SLC6A7: variants seen among roughly 807,000 people sequenced by gnomAD.
SLC6A7 encodes solute carrier family 6 member 7.
SLC6A7 carries 58 observed loss-of-function variants against 73.1 expected under a neutral mutation model. The observed-to-expected ratio is 0.79, with a 90% CI of 0.64 to 0.99. The LOEUF (loss-of-function observed/expected upper bound fraction) is 0.99. Among genes scored for constraint, SLC6A7 ranks in the 50% least tolerant of loss-of-function variants. SLC6A7 has a pLI of 0.00. For synonymous variants in SLC6A7, 338 were observed against 338.7 expected, an observed-to-expected ratio of 1.00 and a Z score of 0.02; for missense variants, 783 against 831.4, an observed-to-expected ratio of 0.94 and a Z score of 0.72.
At chr5:150,200,425 G>C (rs180849004) in intron 5 of SLC6A7, among the ~76,000 whole-genome samples, 1 of 152,238 alleles carries the variant, frequency 6.6e-6, no homozygotes, top group African/African-American at 2.4e-5. Context: ...CCTGGGAGAC[G>C]GTAGTTGCAG....
intron 10 of SLC6A7, 52 bp downstream of exon 10, chr5:150,204,090 C>T: frequency 1.3e-6 from 2 of 1,560,330 alleles, no homozygotes; most frequent in Non-Finnish European, 1.7e-6. Flanking sequence ...GGGCAGACGC[C>T]TGCAACGAGA....
intron 13 of SLC6A7, 123 bp downstream of exon 13, chr5:150,205,746 C>A: frequency 1.2e-6 from 1 of 842,308 alleles, no homozygotes; most frequent in Non-Finnish European, 1.8e-6. Flanking sequence ...CCTGAGGAGA[C>A]TTGCCTGGGC....
chr5:150,204,888 C>T lies in SLC6A7; in HGVS notation c.1494C>T (p.Phe498=), dbSNP rs1753602896. Reference sequence around the variant, plus strand: ...TGGGCTTCAAGCCGGGCCTCTACTTCAGGGCCTGCTGGCTGTTCCTGTCCC... The same window carrying T: ...TGGGCTTCAAGCCGGGCCTCTACTTTAGGGCCTGCTGGCTGTTCCTGTCCC... ...MMLGFKPGLY[F]RACWLFLSPA... Residue 498 remains phenylalanine (F), a synonymous_variant, in exon 12 of 14, where the codon TTC becomes TTT. Transcript: ENST00000230671. 6.2e-7 allele frequency: 1 copy of T among 1,607,756 alleles called. No individual in the cohort carries two copies. Among genetic ancestry groups the T allele is most frequent in the Non-Finnish European group, 8.5e-7 (1 of 1,175,488 alleles).
At chr5:150,199,123 A>C in intron 4 of SLC6A7, 105 bp from the exon 5 acceptor site, 1 of 1,405,420 alleles carries the variant, frequency 7.1e-7, no homozygotes, top group Non-Finnish European at 9.4e-7. Context: ...GAGGGCGTCA[A>C]GTGGAGAACA....
At chr5:150,206,448 T>C (rs754218198) in intron 13 of SLC6A7, among the ~76,000 whole-genome samples, 6 of 152,158 alleles carry the variant, frequency 3.9e-5, no homozygotes, top group Non-Finnish European at 5.9e-5. Flanking sequence ...ATGGTGGAGA[T>C]ATTTACACCA....
chr5:150,209,878 A>G lies in SLC6A7; in HGVS notation c.*263A>G. The G allele has an allele frequency of 2.0e-6, 1 of 510,710 alleles. No individual in the cohort carries two copies. Among genetic ancestry groups the G allele is most frequent in the South Asian group, 2.2e-5 (1 of 45,008 alleles). 31.6% of individuals were successfully genotyped at this position (510,710 alleles called of 1,614,324 possible). A position where few individuals can be genotyped will look rare whatever the true frequency, so the allele number is the denominator to read the frequency against. ...ACTCAGCCCTACTTTGCGGATGGAC[A>G]TATTAAGGCCAGGAGGGGAGGGACT... On this transcript the variant is annotated 3_prime_UTR_variant, in exon 14 of 14. Transcript: ENST00000230671.
rs777182879 is a variant in SLC6A7, at chr5:150,205,574, C to T, written c.1652C>T (p.Pro551Leu). ...LMGLLSCLMI[P>L]AGMLVAVLRE... The stretch of plus-strand genomic sequence containing the variant: ...GGCCTGCTGTCCTGCCTCATGATCC[C>T]AGCTGGCATGCTGGTGGCTGTGCTT... The change falls in exon 13 of 14, where the codon CCA (proline) becomes CTA (leucine). Residue 551 changes from proline (P) to leucine (L), a missense_variant. Transcript: ENST00000230671. 2 of 1,613,558 alleles carry T rather than the reference C, an allele frequency of 1.2e-6. No individual in the cohort carries two copies. Among genetic ancestry groups the T allele is most frequent in the Non-Finnish European group, 8.5e-7 (1 of 1,179,818 alleles).
chr5:150,201,227 A>G lies in SLC6A7; in HGVS notation c.858+4A>G. ...CCACCACTTGTTGTCTTCCAAGGTG[A>G]GCCCCTCAGGGCGGGGTGCAGAGGG... On this transcript the variant is annotated splice_donor_region_variant and intron_variant, in intron 6 of 13. Transcript: ENST00000230671. 5.6e-6 allele frequency: 9 copies of G among 1,605,068 alleles called. No homozygotes were observed. Among genetic ancestry groups the G allele is most frequent in the Non-Finnish European group, 7.7e-6 (9 of 1,175,510 alleles).
rs1753425235 is a variant in SLC6A7 at position 150,202,354 on chromosome 5, T to C, written c.866T>C (p.Ile289Thr). The part of the protein sequence containing the change: ...FHHLLSSKVW[I>T]EAALQIFYSL... ...CCATCCTTCCCGGCACAGGTGTGGA[T>C]TGAAGCTGCTCTTCAGATCTTCTAT... is the stretch of plus-strand genomic sequence containing the variant. Residue 289 changes from isoleucine (I) to threonine (T), a missense_variant, in exon 7 of 14, where the codon ATT (isoleucine) becomes ACT (threonine). Transcript: ENST00000230671. The C allele has an allele frequency of 6.2e-7, 1 of 1,612,754 alleles. No homozygotes were observed. The highest frequency in any genetic ancestry group is 1.3e-5 in the African/African-American group (1 of 74,912).
intron 4 of SLC6A7, among the ~76,000 whole-genome samples, chr5:150,198,121 GAA>G (rs1326770305): frequency 2.4e-4 from 27 of 111,924 alleles, no homozygotes; most frequent in Non-Finnish European, 4.1e-4. Context: ...GAAAGAGAAA[GAA>G]AGAAAGAAAG....
In SLC6A7 at chr5:150,197,239, C is replaced by T. The variant is rs139139889; in HGVS notation, c.547C>T (p.Leu183Phe). ...CGGCAACGGGGCCCTGCCCCTCAACCTCACCTGCACCGTCAGCCCCAGCGA... is the reference window on the plus strand; with the variant it reads ...CGGCAACGGGGCCCTGCCCCTCAACTTCACCTGCACCGTCAGCCCCAGCGA... ...KDGNGALPLN[L>F]TCTVSPSEEY... The change falls in exon 4 of 14, where the codon CTC becomes TTC. Residue 183 changes from leucine to phenylalanine, a missense_variant. Physicochemically the swap from Leu to Phe is conservative, Grantham distance 22. Coordinates refer to ENST00000230671, the MANE Select transcript of SLC6A7 (RefSeq NM_014228.5). 30 of 1,612,730 alleles carry T rather than the reference C, an allele frequency of 1.9e-5. No homozygotes were observed. The African/African-American group carries it at 3.9e-4, about 21-fold the overall frequency.
In SLC6A7 at chr5:150,204,030, A is replaced by G. The variant is rs1753547820; in HGVS notation, c.1324A>G (p.Thr442Ala). 1.2e-6 allele frequency: 2 copies of G among 1,612,676 alleles called. No individual in the cohort carries two copies. Among genetic ancestry groups the G allele is most frequent in the Non-Finnish European group, 1.7e-6 (2 of 1,179,506 alleles). Reference protein sequence around the residue: ...VAMYLMGLILTTDGGMYWLVL... With the variant: ...VAMYLMGLILATDGGMYWLVL... ...CATGTACCTGATGGGGCTGATCCTC[A>G]CCACTGATGTGAGTGGCGCTACAGG... The change falls in exon 10 of 14, where the codon ACC (threonine) becomes GCC (alanine). Residue 442 changes from threonine to alanine, a missense_variant. Transcript: ENST00000230671.
chr5:150,200,946 G>A, intron 5 of SLC6A7, 143 bp from the exon 6 acceptor site: 2 of 748,072 alleles, frequency 2.7e-6, no homozygotes, highest in Non-Finnish European at 4.5e-6. Flanking sequence ...TGTGAAGGGA[G>A]GAGGGAAGCC....
In SLC6A7 at chr5:150,194,815, A is replaced by G. The variant is rs768887142; in HGVS notation, c.121A>G (p.Thr41Ala). 1.5e-5 allele frequency: 24 copies of G among 1,614,124 alleles called. No individual in the cohort carries two copies. In the East Asian group the frequency reaches 4.7e-4, roughly 31 times the overall value. ...VDFAAHRGNW[T>A]GKLDFLLSCI... ...CTTTGCTGCACACCGGGGGAACTGG[A>G]CAGGCAAGCTGGACTTCCTGCTGTC... Residue 41 changes from threonine (T) to alanine (A), a missense_variant, in exon 2 of 14, where the codon ACA (threonine) becomes GCA (alanine). Transcript: ENST00000230671.
At chr5:150,195,223 G>A (rs17708892) in intron 2 of SLC6A7, 9,529 of 275,940 alleles carry the variant, frequency 0.035, 239 homozygotes, top group East Asian at 0.12. Flanking sequence ...ATAAGGAGCT[G>A]TATCTGCCTG....
Position 150,194,835 on chromosome 5 carries a change from G to A in SLC6A7, c.141G>A (p.Leu47=). 6.2e-7 allele frequency: 1 copy of A among 1,614,180 alleles called. No homozygotes were observed. Among genetic ancestry groups the A allele is most frequent in the Non-Finnish European group, 8.5e-7 (1 of 1,180,032 alleles). The change falls in exon 2 of 14, where the codon CTG becomes CTA. Residue 47 remains leucine, a synonymous_variant. Coordinates refer to ENST00000230671, the MANE Select transcript of SLC6A7 (RefSeq NM_014228.5). ...ACTGGACAGGCAAGCTGGACTTCCT[G>A]CTGTCCTGCATTGGCTACTGTGTAG... ...RGNWTGKLDF[L]LSCIGYCVGL...
rs566124026 is a variant in SLC6A7 at position 150,199,469 on chromosome 5, G to C, written c.723+103G>C. On this transcript the variant is annotated intron_variant, in intron 5 of 13. Transcript: ENST00000230671. ...AGCATGAGAAGATGAAGAGACTTCA[G>C]CTGGGCAGAGGGGAAGGGAGAGAGC... The C allele has an allele frequency of 5.0e-6, 4 of 792,492 alleles. No individual in the cohort carries two copies. In the South Asian group the frequency reaches 7.4e-5, roughly 15 times the overall value. The allele number at this position is 792,492 out of a possible 1,614,324, so 49.1% of individuals were successfully genotyped here.
chr5:150,194,921 T>C lies in SLC6A7; in HGVS notation c.217+10T>C. ...TACACCAATGGAGGAGGTATGGGCC[T>C]GAGGTCCTGTCGGAGGGTGTCTGGG... On this transcript the variant is annotated intron_variant, in intron 2 of 13. Coordinates refer to ENST00000230671, the MANE Select transcript of SLC6A7 (RefSeq NM_014228.5). 1.2e-6 allele frequency: 2 copies of C among 1,610,142 alleles called. No homozygotes were observed. The highest frequency in any genetic ancestry group is 1.7e-6 in the Non-Finnish European group (2 of 1,176,784).
At chr5:150,208,117 A>G (rs778042862) in intron 13 of SLC6A7, among the ~76,000 whole-genome samples, 6 of 151,928 alleles carry the variant, frequency 3.9e-5, no homozygotes, top group Non-Finnish European at 5.9e-5. Context: ...AAACAAACCT[A>G]AGTCCTTGTT....
Sources: allele counts gnomAD v4.1 joint callset (sites outside exome capture counted in the v4.1 genomes callset), GRCh38; gene constraint gnomAD v4.1.1; transcripts MANE v1.5; gene names NCBI Gene and HGNC (gene_info 2026-07-23, HGNC 2026-07-21).